Variants in FN1 observed in about 807,000 individuals in gnomAD.
FN1 encodes the protein fibronectin 1.
Under a neutral mutation model 297.3 loss-of-function variants are expected in FN1, and 106 were observed. The ratio of observed to expected loss-of-function variants is 0.36; its 90% confidence interval spans 0.30 to 0.42. The LOEUF is 0.42. FN1 is among the 10% of genes least tolerant of loss of function. FN1 has a pLI of 1.00. For synonymous variants in FN1, 1,149 were observed against 1,152.6 expected, an observed-to-expected ratio of 1.00 and a Z score of 0.06; for missense variants, 2,690 against 3,124.9, an observed-to-expected ratio of 0.86 and a Z score of 3.32.
chr2:215,366,409 C>T (rs924105643), intron 42 of FN1, among the ~76,000 whole-genome samples: 4 of 152,174 alleles, frequency 2.6e-5, no homozygotes, highest in African/African-American at 7.2e-5. Flanking sequence ...CTGATCTCTA[C>T]ACGCCACCAC....
intron 28 of FN1, among the ~76,000 whole-genome samples, chr2:215,385,690 C>T (rs970935453): frequency 2.0e-5 from 3 of 151,688 alleles, no homozygotes; most frequent in Admixed American, 6.6e-5. Context: ...CCCGTAAGTA[C>T]TTCAGCCTCT....
chr2:215,429,749 T>C (rs953866584), intron 5 of FN1, among the ~76,000 whole-genome samples: 1 of 152,206 alleles, frequency 6.6e-6, no homozygotes, highest in African/African-American at 2.4e-5. Context: ...TAATGTTCAT[T>C]TCATATCTGC....
rs570455463 is a variant in FN1 at position 215,430,479 on chromosome 2, A to G, written c.685+236T>C. Among the ~76,000 whole-genome samples, 24 of 152,302 alleles carry G rather than the reference A, an allele frequency of 1.6e-4. No individual in the cohort carries two copies. The South Asian group carries it at 4.6e-3, about 29-fold the overall frequency. On this transcript the variant is annotated intron_variant, in intron 5 of 45. Coordinates refer to ENST00000354785, the MANE Select transcript of FN1 (RefSeq NM_212482.4). ...AAACCTAAACCTTTTGTTCAACTCT[A>G]TGTCAGTGGCAGTGAGCTGAGATTG...
chr2:215,412,758 ATCTTTT>A (rs2062842892), intron 13 of FN1, among the ~76,000 whole-genome samples: 1 of 51,970 alleles, frequency 1.9e-5, no homozygotes, highest in Admixed American at 2.6e-4. Context: ...TATATTAAGT[ATCTTTT>A]TTTTTTTTTT....
intron 2 of FN1, among the ~76,000 whole-genome samples, 153 bp from the exon 3 acceptor site, chr2:215,433,614 C>T (rs866829013): frequency 1.3e-5 from 2 of 152,184 alleles, no homozygotes; most frequent in Admixed American, 6.5e-5. Context: ...AGATTTTTAT[C>T]CTAAGCTCTA....
rs182139649 is a variant in FN1 at position 215,376,620 on chromosome 2, G to A, written c.5765C>T (p.Thr1922Ile). 7 of 1,613,894 alleles carry A rather than the reference G, an allele frequency of 4.3e-6. No homozygotes were observed. The highest frequency in any genetic ancestry group is 4.0e-5 in the African/African-American group (3 of 74,866). The change falls in exon 36 of 46, where the codon ACC becomes ATC. Residue 1922 changes from threonine (T) to isoleucine (I), a missense_variant. Coordinates refer to ENST00000354785, the MANE Select transcript of FN1 (RefSeq NM_212482.4). ...CTCAGTCTTGGTTCTCCAGCTAATG[G>A]TGATGGTGGTCTCAGTAGCATCTGT... ...RVTDATETTI[T>I]ISWRTKTETI...
At chr2:215,414,564 G>C in intron 13 of FN1, 1 of 577,446 alleles carries the variant, frequency 1.7e-6, no homozygotes, top group Non-Finnish European at 2.6e-6. Flanking sequence ...CTAAGTCCTT[G>C]CAAAAAAGAT....
intron 13 of FN1, among the ~76,000 whole-genome samples, chr2:215,413,925 G>A (rs1391077491): frequency 1.3e-5 from 2 of 151,916 alleles, no homozygotes; most frequent in African/African-American, 2.4e-5. Flanking sequence ...TAATTTTCTG[G>A]GCACCTAGGA....
intron 41 of FN1, among the ~76,000 whole-genome samples, chr2:215,369,217 A>T (rs985686849): frequency 8.7e-6 from 1 of 114,416 alleles, no homozygotes; most frequent in Non-Finnish European, 1.8e-5. Context: ...GGAATCTTTA[A>T]AAAAAAAAAA....
At chr2:215,375,875 G>A (rs2057195114) in intron 36 of FN1, 157 bp from the exon 37 acceptor site, 1 of 675,120 alleles carries the variant, frequency 1.5e-6, no homozygotes, top group Non-Finnish European at 2.7e-6. Context: ...GCATGCTATG[G>A]ATGTTAACTG....
intron 8 of FN1, 47 bp downstream of exon 8, chr2:215,424,099 G>A: frequency 6.4e-7 from 1 of 1,564,586 alleles, no homozygotes; most frequent in Non-Finnish European, 8.8e-7. Context: ...ACTAGGGCAT[G>A]AAAGTGAGTT....
rs1198017807 is a variant in FN1 at position 215,391,775 on chromosome 2, C to A, written c.4109G>T (p.Gly1370Val). Residue 1370 changes from glycine to valine, a missense_variant, in exon 26 of 46, where the codon GGT (glycine) becomes GTT (valine). By Grantham distance (109) the Gly-to-Val change is moderately radical. This residue lies in a region of FN1 where 1,743 missense variants were observed against 1,945.2 expected (regional missense o/e 0.90). Transcript: ENST00000354785. ...CCAGGTGACACGCATGGTGTCTGGACCAATGTTGGTGAATCGCAGGTCAGT... is the reference window on the plus strand; with the variant it reads ...CCAGGTGACACGCATGGTGTCTGGAACAATGTTGGTGAATCGCAGGTCAGT... ...PPTDLRFTNI[G>V]PDTMRVTWAP... 2 of 1,613,882 alleles carry A rather than the reference C, an allele frequency of 1.2e-6. No individual in the cohort carries two copies. Among genetic ancestry groups the A allele is most frequent in the Non-Finnish European group, 1.7e-6 (2 of 1,179,996 alleles).
At chr2:215,363,219 G>A (rs1175311466) in intron 44 of FN1, 1 of 152,124 alleles carries the variant, frequency 6.6e-6, no homozygotes, top group Non-Finnish European at 1.5e-5. Flanking sequence ...AATAGAATAA[G>A]TGTCGCACAT....
chr2:215,363,246 A>G (rs1214368174), intron 44 of FN1: 2 of 152,230 alleles, frequency 1.3e-5, no homozygotes, highest in Non-Finnish European at 1.5e-5. Context: ...TTTCATGTGC[A>G]TAAATAATGA....
At chr2:215,405,674 T>G (rs2061687869) in intron 19 of FN1, among the ~76,000 whole-genome samples, 1 of 152,012 alleles carries the variant, frequency 6.6e-6, no homozygotes, top group South Asian at 2.1e-4. Flanking sequence ...ACCCAGGTGG[T>G]AGAGGTTCCA....
chr2:215,420,625 TA>T (rs771808664), intron 11 of FN1, 47 bp downstream of exon 11: 1 of 1,612,006 alleles, frequency 6.2e-7, no homozygotes, highest in African/African-American at 1.3e-5. Context: ...TGAAACTTGC[TA>T]ACCATTCCCC....
Position 215,435,755 on chromosome 2 carries a change from G to A in FN1, c.48C>T (p.Cys16=). 2 of 1,598,968 alleles carry A rather than the reference G, an allele frequency of 1.3e-6. No individual in the cohort carries two copies. The highest frequency in any genetic ancestry group is 1.7e-6 in the Non-Finnish European group (2 of 1,173,794). Residue 16 remains cysteine, a synonymous_variant, in exon 1 of 46, where the codon TGC becomes TGT. Coordinates refer to ENST00000354785, the MANE Select transcript of FN1 (RefSeq NM_212482.4). ...GPGLLLLAVQ[C]LGTAVPSTGA... ...CCGTGGAGGGCACCGCTGTCCCCAGGCACTGGACGGCCAGCAGCAGCAGCC... is the reference window on the plus strand; with the variant it reads ...CCGTGGAGGGCACCGCTGTCCCCAGACACTGGACGGCCAGCAGCAGCAGCC...
At chr2:215,425,621 C>T (rs1250251) in intron 6 of FN1, among the ~76,000 whole-genome samples, 44,795 of 151,898 alleles carry the variant, frequency 0.29, 8,013 homozygotes, top group East Asian at 0.92. Flanking sequence ...GGCGCGGTCT[C>T]GGCTCACTGC....
At position 215,408,702 on chromosome 2, in the gene FN1, G is replaced by A. The variant is rs377573390; in HGVS notation, c.2300-276C>T. 1.8e-4 allele frequency among the ~76,000 whole-genome samples: 28 copies of A among 152,070 alleles called. No homozygotes were observed. In the East Asian group the frequency reaches 5.2e-3, roughly 28 times the overall value. ...TCTGCCTCGGCCTCCCGAGTAGCTGGGATTACAGGTGCACACCACCACACC... is the reference window on the plus strand; with the variant it reads ...TCTGCCTCGGCCTCCCGAGTAGCTGAGATTACAGGTGCACACCACCACACC... On this transcript the variant is annotated intron_variant, in intron 15 of 45. Coordinates refer to ENST00000354785, the MANE Select transcript of FN1 (RefSeq NM_212482.4).
Sources: allele counts gnomAD v4.1 joint callset (sites outside exome capture counted in the v4.1 genomes callset), GRCh38; gene constraint gnomAD v4.1.1; regional missense constraint gnomAD v4.1.1; transcripts MANE v1.5; gene names NCBI Gene and HGNC (gene_info 2026-07-23, HGNC 2026-07-21).